Variants in SBF2 observed in about 807,000 individuals in gnomAD.
SBF2 encodes myotubularin-related protein 13.
In SBF2, 112 loss-of-function variants were observed where a neutral mutation model predicts 225.2. That is an observed-to-expected ratio of 0.50 (90% CI 0.43 to 0.58). The LOEUF (loss-of-function observed/expected upper bound fraction) is 0.58. Ranked by LOEUF, SBF2 falls within the 20% of genes least tolerant of loss-of-function variation. The probability of loss-of-function intolerance (pLI) is 0.00; values close to 1 mark genes in which losing one functional copy is unlikely to be tolerated. For missense variants in SBF2, 1,996 were observed against 2,206.2 expected (o/e 0.90, Z 1.91); for synonymous variants, 763 against 773.3 (o/e 0.99, Z 0.22).
chr11:10,243,944 T>G (rs1458345971), intron 1 of SBF2, among the ~76,000 whole-genome samples: 3 of 152,156 alleles, frequency 2.0e-5, no homozygotes, highest in Non-Finnish European at 4.4e-5. Context: ...TCTTCTTTTA[T>G]AAGGACAGCA....
In SBF2 at chr11:9,817,004, A is replaced by T. The variant is rs760386811; in HGVS notation, c.3814T>A (p.Ser1272Thr). The T allele has an allele frequency of 3.7e-6, 6 of 1,614,036 alleles. No homozygotes were observed. Among genetic ancestry groups the T allele is most frequent in the Non-Finnish European group, 5.1e-6 (6 of 1,180,026 alleles). Residue 1272 changes from serine to threonine, a missense_variant, in exon 29 of 40, where the codon TCT becomes ACT. Coordinates refer to ENST00000256190, the MANE Select transcript of SBF2 (RefSeq NM_030962.4). ...LSPGVWASLRSSTRLISSPTS... is the reference protein window; with the variant it reads ...LSPGVWASLRTSTRLISSPTS... The stretch of plus-strand genomic sequence containing the variant: ...GGAGAGCTGATCAAGCGAGTGCTAG[A>T]GCGAAGACTTGCCCACACACCTTCA...
intron 1 of SBF2, among the ~76,000 whole-genome samples, chr11:10,196,769 A>T (rs1957368021): frequency 6.7e-6 from 1 of 149,146 alleles, no homozygotes; most frequent in African/African-American, 2.5e-5. Flanking sequence ...AGCACCCATA[A>T]TCCCACACCT....
intron 22 of SBF2, among the ~76,000 whole-genome samples, chr11:9,848,777 C>T (rs1424941614): frequency 6.6e-6 from 1 of 152,226 alleles, no homozygotes; most frequent in Non-Finnish European, 1.5e-5. Flanking sequence ...CTCCTTTTCA[C>T]TTTTTCAAAA....
intron 16 of SBF2, among the ~76,000 whole-genome samples, chr11:9,921,579 AT>A (rs1863636427): frequency 6.6e-6 from 1 of 152,188 alleles, no homozygotes; most frequent in Non-Finnish European, 1.5e-5. Flanking sequence ...ATTATACCTG[AT>A]TTTGGATACA....
At chr11:9,941,972 A>G (rs1379529041) in intron 16 of SBF2, among the ~76,000 whole-genome samples, 1 of 152,252 alleles carries the variant, frequency 6.6e-6, no homozygotes, top group Admixed American at 6.5e-5. Flanking sequence ...AAGCAATTAG[A>G]AAATGCAATT....
chr11:10,181,891 T>C (rs548903243), intron 2 of SBF2, among the ~76,000 whole-genome samples: 2 of 152,306 alleles, frequency 1.3e-5, no homozygotes, highest in East Asian at 1.9e-4. Flanking sequence ...AAACTTTTCT[T>C]CAATAAATAC....
chr11:9,882,580 G>T (rs545801455), intron 17 of SBF2, among the ~76,000 whole-genome samples: 28 of 151,914 alleles, frequency 1.8e-4, no homozygotes, highest in African/African-American at 6.0e-4. Context: ...AGGCCAAGGC[G>T]GGCGGATCAC....
intron 17 of SBF2, among the ~76,000 whole-genome samples, chr11:9,871,761 G>A (rs57321195): frequency 3.9e-5 from 6 of 151,984 alleles, no homozygotes; most frequent in African/African-American, 1.4e-4. Context: ...AAAGTGCTGG[G>A]ATTACAGGCA....
intron 6 of SBF2, among the ~76,000 whole-genome samples, chr11:10,004,870 AAGC>A (rs1232066735): frequency 1.3e-5 from 2 of 152,206 alleles, no homozygotes; most frequent in Non-Finnish European, 2.9e-5. Flanking sequence ...TATGACCTGG[AAGC>A]CCCCTCCCCT....
At chr11:9,875,276 C>T (rs76394996) in intron 17 of SBF2, among the ~76,000 whole-genome samples, 26,372 of 152,178 alleles carry the variant, frequency 0.17, 2,980 homozygotes, top group Non-Finnish European at 0.25. Flanking sequence ...GAATAAATAG[C>T]TATAAAGTTA....
At chr11:9,974,023 T>G (rs530758803) in intron 13 of SBF2, among the ~76,000 whole-genome samples, 3 of 152,158 alleles carry the variant, frequency 2.0e-5, no homozygotes, top group African/African-American at 4.8e-5. Flanking sequence ...GGCAATACTG[T>G]CACTGGAGTA....
At chr11:10,053,562 G>A (rs1241994745) in intron 2 of SBF2, among the ~76,000 whole-genome samples, 2 of 152,168 alleles carry the variant, frequency 1.3e-5, no homozygotes, top group African/African-American at 2.4e-5. Context: ...AGTGTCAGAT[G>A]TGTGCTCTGA....
At chr11:9,850,523 G>A (rs1283984891) in intron 21 of SBF2, among the ~76,000 whole-genome samples, 9 of 152,138 alleles carry the variant, frequency 5.9e-5, no homozygotes, top group Admixed American at 5.9e-4. Flanking sequence ...CTCCCAAAGT[G>A]CTAGGATTAC....
intron 1 of SBF2, among the ~76,000 whole-genome samples, chr11:10,222,682 A>G (rs1403498304): frequency 1.3e-5 from 2 of 152,202 alleles, no homozygotes; most frequent in Non-Finnish European, 2.9e-5. Flanking sequence ...TGGAAACTCA[A>G]GTCTTCAGAA....
At chr11:9,790,804 A>G (rs1554901194) in intron 33 of SBF2, 121 bp from the exon 34 acceptor site, 12 of 754,408 alleles carry the variant, frequency 1.6e-5, no homozygotes, top group South Asian at 1.3e-4. Context: ...AAACAGCAAC[A>G]TTTGTGTGAA....
intron 2 of SBF2, among the ~76,000 whole-genome samples, chr11:10,071,093 T>G (rs1202094063): frequency 6.6e-6 from 1 of 152,084 alleles, no homozygotes; most frequent in African/African-American, 2.4e-5. Flanking sequence ...ATATACAATA[T>G]TGTAATCCAC....
At chr11:10,114,984 C>G (rs1000803798) in intron 2 of SBF2, among the ~76,000 whole-genome samples, 44 of 152,154 alleles carry the variant, frequency 2.9e-4, no homozygotes, top group African/African-American at 1.1e-3. Flanking sequence ...TTTGCTTCAG[C>G]CAGGCTCCAG....
chr11:10,166,990 A>ACACACACACACACACACACACACAC (rs1282714502), intron 2 of SBF2, among the ~76,000 whole-genome samples: 184 of 146,064 alleles, frequency 1.3e-3, no homozygotes, highest in African/African-American at 3.4e-3. Flanking sequence ...CACACACACA[A>ACACACACACACACACACACACACAC]AAAGGCTACT....
At chr11:10,158,612 C>T (rs1381080521) in intron 2 of SBF2, among the ~76,000 whole-genome samples, 2 of 152,066 alleles carry the variant, frequency 1.3e-5, no homozygotes, top group African/African-American at 4.8e-5. Flanking sequence ...CCTACTAACA[C>T]TGAATCATGA....
Sources: gnomAD v4.1 joint callset for allele counts (sites outside exome capture counted in the v4.1 genomes callset) on GRCh38, gnomAD v4.1.1 for gene constraint, MANE v1.5 for transcripts, NCBI Gene and HGNC (gene_info 2026-07-23, HGNC 2026-07-21) for gene names.